RIPK2: variants seen among roughly 807,000 people sequenced by gnomAD.
The protein encoded by RIPK2 is receptor-interacting serine/threonine-protein kinase 2.
In RIPK2, 38 loss-of-function variants were observed where a neutral mutation model predicts 60.9. That is an observed-to-expected ratio of 0.62 (90% CI 0.48 to 0.82). The LOEUF (loss-of-function observed/expected upper bound fraction) is 0.82, where lower values mean the gene tolerates loss of function less well. RIPK2 is among the 40% of genes least tolerant of loss of function. The pLI, the probability that RIPK2 is intolerant of heterozygous loss-of-function variation, is 0.00. For missense variants in RIPK2, 518 were observed against 647.0 expected (o/e 0.80, Z 2.16); for synonymous variants, 225 against 223.4 (o/e 1.01, Z -0.06).
At position 89,790,498 on chromosome 8, in the gene RIPK2, G is replaced by A. The variant is rs148928069; in HGVS notation, c.*82G>A. 220 of 1,004,968 alleles carry A rather than the reference G, an allele frequency of 2.2e-4. 3 individuals are homozygous for A. The African/African-American group carries it at 2.7e-3, about 12-fold the overall frequency. The allele number at this position is 1,004,968 out of a possible 1,614,324, so 62.3% of individuals were successfully genotyped here. On this transcript the variant is annotated 3_prime_UTR_variant, in exon 11 of 11. Coordinates refer to ENST00000220751, the MANE Select transcript of RIPK2 (RefSeq NM_003821.6). ...CTTTGACTTTTTTTATATAAAATCC[G>A]TGAGTATTAAAGCTTTATTGAAGGT... is the stretch of plus-strand genomic sequence containing the variant.
chr8:89,780,949 T>TC (rs1177902563), intron 7 of RIPK2, among the ~76,000 whole-genome samples: 1 of 151,716 alleles, frequency 6.6e-6, no homozygotes, highest in African/African-American at 2.4e-5. Flanking sequence ...CAGGGGTTTT[T>TC]TTTTTTTTAA....
chr8:89,784,022 T>G, intron 7 of RIPK2, 28 bp from the exon 8 acceptor site: 2 of 1,180,128 alleles, frequency 1.7e-6, no homozygotes, highest in Non-Finnish European at 1.2e-6. Context: ...CCAGTTAAAG[T>G]GTATATATAT....
intron 8 of RIPK2, among the ~76,000 whole-genome samples, chr8:89,786,177 T>C (rs1809583999): frequency 6.6e-6 from 1 of 152,220 alleles, no homozygotes; most frequent in Non-Finnish European, 1.5e-5. Context: ...AAGTATAATT[T>C]TTAGTAGTTT....
At chr8:89,780,947 T>G (rs913031130) in intron 7 of RIPK2, among the ~76,000 whole-genome samples, 23 of 151,414 alleles carry the variant, frequency 1.5e-4, no homozygotes, top group African/African-American at 5.3e-4. Flanking sequence ...TGCAGGGGTT[T>G]TTTTTTTTTT....
At chr8:89,767,424 G>A (rs1809246769) in intron 3 of RIPK2, among the ~76,000 whole-genome samples, 1 of 151,652 alleles carries the variant, frequency 6.6e-6, no homozygotes, top group South Asian at 2.1e-4. Context: ...CAAGAAATGT[G>A]AGAGAAAATA....
chr8:89,764,545 G>T (rs16900442), intron 2 of RIPK2, among the ~76,000 whole-genome samples: 7 of 152,064 alleles, frequency 4.6e-5, no homozygotes, highest in Non-Finnish European at 8.8e-5. Context: ...TTCCCAAATT[G>T]CCTGATCTTC....
At chr8:89,786,487 A>G (rs1809589352) in intron 8 of RIPK2, 106 bp from the exon 9 acceptor site, 2 of 717,174 alleles carry the variant, frequency 2.8e-6, no homozygotes, top group Non-Finnish European at 2.4e-6. Context: ...AAAAAAAATT[A>G]GTAGTTTTTA....
At chr8:89,773,953 G>A (rs944452324) in intron 6 of RIPK2, among the ~76,000 whole-genome samples, 7 of 152,110 alleles carry the variant, frequency 4.6e-5, no homozygotes, top group Admixed American at 1.3e-4. Flanking sequence ...TAGTGTCCAC[G>A]ACTTTAGTCC....
chr8:89,764,120 G>C (rs959799437), intron 2 of RIPK2, among the ~76,000 whole-genome samples: 3 of 152,068 alleles, frequency 2.0e-5, no homozygotes, highest in African/African-American at 4.8e-5. Flanking sequence ...ATATTATGCT[G>C]CAGAGAGGCC....
chr8:89,781,094 A>G (rs564686507), intron 7 of RIPK2, among the ~76,000 whole-genome samples: 30 of 152,018 alleles, frequency 2.0e-4, no homozygotes, highest in African/African-American at 7.0e-4. Flanking sequence ...TATGATATAA[A>G]AACCAGCAGT....
intron 3 of RIPK2, among the ~76,000 whole-genome samples, chr8:89,766,314 A>G (rs42479): frequency 0.34 from 52,233 of 151,716 alleles, 10,106 homozygotes; most frequent in Non-Finnish European, 0.44. Context: ...TTTATGAGTG[A>G]ACATAAGTCT....
At chr8:89,783,587 AG>A (rs1809535282) in intron 7 of RIPK2, among the ~76,000 whole-genome samples, 1 of 152,146 alleles carries the variant, frequency 6.6e-6, no homozygotes. Flanking sequence ...ACTTAGTCCA[AG>A]CCTCAATCTC....
At chr8:89,771,645 T>C (rs1563613017) in intron 4 of RIPK2, 96 bp from the exon 5 acceptor site, 3 of 727,972 alleles carry the variant, frequency 4.1e-6, no homozygotes, top group Admixed American at 5.7e-5. Context: ...CTTTGAAAAA[T>C]GGTATCTTCA....
chr8:89,759,533 T>C (rs1309832419), intron 1 of RIPK2: 1 of 398,272 alleles, frequency 2.5e-6, no homozygotes, highest in Non-Finnish European at 5.1e-6. Flanking sequence ...TTCTTCATTG[T>C]CTCTCACTGT....
intron 7 of RIPK2, among the ~76,000 whole-genome samples, chr8:89,781,572 C>T (rs1312599226): frequency 6.6e-6 from 1 of 151,832 alleles, no homozygotes; most frequent in Non-Finnish European, 1.5e-5. Context: ...CAGGATTGTT[C>T]TTTTTTTTAA....
In RIPK2 at chr8:89,784,110, A is replaced by G; in HGVS notation, c.1000A>G (p.Asn334Asp). The G allele has an allele frequency of 6.5e-7, 1 of 1,543,950 alleles. No individual in the cohort carries two copies. The highest frequency in any genetic ancestry group is 8.9e-7 in the Non-Finnish European group (1 of 1,126,392). The change falls in exon 8 of 11, where the codon AAC (asparagine) becomes GAC (aspartate). Residue 334 changes from asparagine to aspartate, a missense_variant. Around this residue, in one of 3 missense-constraint regions of RIPK2, gnomAD observed 448 missense variants for 534.7 expected, o/e 0.84. Coordinates refer to ENST00000220751, the MANE Select transcript of RIPK2 (RefSeq NM_003821.6). The stretch of plus-strand genomic sequence containing the variant: ...CAAGAAGAAAATGGAATTATCTCTG[A>G]ACATACCTGTAAATCATGGTCCACA... ...CDKKKMELSL[N>D]IPVNHGPQEE...
intron 3 of RIPK2, among the ~76,000 whole-genome samples, chr8:89,768,309 T>G (rs1377059562): frequency 6.7e-6 from 1 of 150,266 alleles, no homozygotes; most frequent in Non-Finnish European, 1.5e-5. Flanking sequence ...AAGACCTTTT[T>G]GAATGTTATT....
At chr8:89,763,473 T>C (rs1410538563) in intron 2 of RIPK2, among the ~76,000 whole-genome samples, 1 of 152,132 alleles carries the variant, frequency 6.6e-6, no homozygotes, top group Admixed American at 6.5e-5. Context: ...TTACCCTTTT[T>C]CCCAAGGTAC....
At chr8:89,780,192 A>T (rs1180904669) in intron 7 of RIPK2, 32 bp downstream of exon 7, 1 of 1,082,524 alleles carries the variant, frequency 9.2e-7, no homozygotes, top group Non-Finnish European at 1.4e-6. Context: ...TGGAAATTAG[A>T]AATTTAAACA....
Sources: gnomAD v4.1 joint callset for allele counts (sites outside exome capture counted in the v4.1 genomes callset) on GRCh38, gnomAD v4.1.1 for gene constraint, gnomAD v4.1.1 regional missense constraint, MANE v1.5 for transcripts, NCBI Gene and HGNC (gene_info 2026-07-23, HGNC 2026-07-21) for gene names.